Variants in ARHGAP15 observed in about 807,000 individuals in gnomAD.
ARHGAP15 encodes the protein rho GTPase-activating protein 15.
ARHGAP15 carries 51 observed loss-of-function variants against 63.7 expected under a neutral mutation model. The ratio of observed to expected loss-of-function variants is 0.80; its 90% CI spans 0.64 to 1.01. The LOEUF (loss-of-function observed/expected upper bound fraction) is 1.01. Ranked by LOEUF, ARHGAP15 falls within the 50% of genes least tolerant of loss-of-function variation. The pLI is 0.00. For missense variants in ARHGAP15, 560 were observed against 564.6 expected (o/e 0.99, Z 0.08); for synonymous variants, 191 against 193.8 (o/e 0.99, Z 0.12).
chr2:143,371,321 G>A (rs1170930498), intron 6 of ARHGAP15, among the ~76,000 whole-genome samples: 4 of 147,258 alleles, frequency 2.7e-5, no homozygotes, highest in African/African-American at 5.0e-5. Context: ...AGTATAATGA[G>A]AAGGACAAAT....
At chr2:143,226,592 G>A (rs1037425128) in intron 4 of ARHGAP15, among the ~76,000 whole-genome samples, 1 of 152,174 alleles carries the variant, frequency 6.6e-6, no homozygotes, top group East Asian at 1.9e-4. Context: ...AATTCACTCT[G>A]CTGCTGCTGG....
At chr2:143,643,265 A>AT (rs779940471) in intron 12 of ARHGAP15, among the ~76,000 whole-genome samples, 70 of 152,092 alleles carry the variant, frequency 4.6e-4, no homozygotes, top group Non-Finnish European at 8.8e-5. Flanking sequence ...TCGCCCAAAT[A>AT]TAACCTTGGG....
At chr2:143,682,804 T>C (rs1375930914) in intron 12 of ARHGAP15, 1 of 152,202 alleles carries the variant, frequency 6.6e-6, no homozygotes, top group Non-Finnish European at 1.5e-5. Flanking sequence ...TGGATCCTTA[T>C]GAGAAGAGAT....
chr2:143,231,069 C>CTTTTTTTTTTTTTTTT (rs914904536), intron 5 of ARHGAP15, among the ~76,000 whole-genome samples: 4 of 125,420 alleles, frequency 3.2e-5, no homozygotes, highest in South Asian at 2.6e-4. Flanking sequence ...GATGTAATTC[C>CTTTTTTTTTTTTTTTT]TTTTTTTTTT....
intron 10 of ARHGAP15, among the ~76,000 whole-genome samples, chr2:143,543,746 T>C (rs946364751): frequency 3.2e-4 from 48 of 152,068 alleles, no homozygotes; most frequent in Non-Finnish European, 5.3e-4. Context: ...CCCCAGAAGC[T>C]GAAAATCTGG....
At chr2:143,251,367 AT>A (rs1680152085) in intron 6 of ARHGAP15, among the ~76,000 whole-genome samples, 1 of 151,984 alleles carries the variant, frequency 6.6e-6, no homozygotes, top group African/African-American at 2.4e-5. Context: ...TATAATAATT[AT>A]TTTTTAAATT....
chr2:143,476,830 T>C, intron 8 of ARHGAP15, among the ~76,000 whole-genome samples: 1 of 152,244 alleles, frequency 6.6e-6, no homozygotes. Flanking sequence ...GCTGCTTCAT[T>C]GTGAAACCTT....
At chr2:143,379,895 C>G (rs1245079930) in intron 6 of ARHGAP15, among the ~76,000 whole-genome samples, 2 of 151,740 alleles carry the variant, frequency 1.3e-5, no homozygotes, top group Admixed American at 1.3e-4. Flanking sequence ...TTTATTGTGC[C>G]AGGAACTAGA....
At chr2:143,716,231 C>T (rs973520421) in intron 13 of ARHGAP15, among the ~76,000 whole-genome samples, 1 of 152,086 alleles carries the variant, frequency 6.6e-6, no homozygotes, top group African/African-American at 2.4e-5. Context: ...AGGGTGCAAG[C>T]ACTACAATGA....
rs541234858 is a variant in ARHGAP15, at chr2:143,197,097, A to G, written c.166-5037A>G. Among the ~76,000 whole-genome samples, 4 of 152,122 alleles carry G rather than the reference A, an allele frequency of 2.6e-5. No individual in the cohort carries two copies. In the South Asian group the frequency reaches 8.3e-4, roughly 32 times the overall value. On this transcript the variant is annotated intron_variant, in intron 2 of 13. Transcript: ENST00000295095. The stretch of plus-strand genomic sequence containing the variant: ...ATAAAATGTAGGGTTTTTATATCAG[A>G]TACATTTTAAAAGTTCTGAGATTGT...
intron 5 of ARHGAP15, among the ~76,000 whole-genome samples, chr2:143,243,535 A>T (rs1358410777): frequency 6.6e-6 from 1 of 152,134 alleles, no homozygotes; most frequent in Non-Finnish European, 1.5e-5. Flanking sequence ...TTTTTTAAAA[A>T]GTGTATTTTT....
intron 1 of ARHGAP15, among the ~76,000 whole-genome samples, chr2:143,139,404 T>C (rs531503152): frequency 6.4e-4 from 98 of 152,262 alleles, no homozygotes; most frequent in African/African-American, 2.2e-3. Context: ...TGGTCATCTA[T>C]TGAGTCTTGT....
chr2:143,591,222 A>G (rs979521497), intron 11 of ARHGAP15, among the ~76,000 whole-genome samples: 1 of 152,156 alleles, frequency 6.6e-6, no homozygotes, highest in African/African-American at 2.4e-5. Flanking sequence ...CTTTCCAACT[A>G]ACTTCTATCC....
chr2:143,200,244 A>T (rs2105109165), intron 2 of ARHGAP15, among the ~76,000 whole-genome samples: 1 of 152,114 alleles, frequency 6.6e-6, no homozygotes, highest in South Asian at 2.1e-4. Context: ...CTTCCATAGG[A>T]CACCTGTGAA....
At chr2:143,707,001 A>G (rs1217233250) in intron 13 of ARHGAP15, among the ~76,000 whole-genome samples, 1 of 152,186 alleles carries the variant, frequency 6.6e-6, no homozygotes, top group Non-Finnish European at 1.5e-5. Context: ...AGGAGGACCT[A>G]GCAAGATGGT....
At chr2:143,239,562 G>T in intron 5 of ARHGAP15, among the ~76,000 whole-genome samples, 1 of 151,996 alleles carries the variant, frequency 6.6e-6, no homozygotes, top group East Asian at 1.9e-4. Flanking sequence ...GGCATTTAAT[G>T]AACTATTAAC....
At chr2:143,196,559 T>A (rs1416659110) in intron 2 of ARHGAP15, among the ~76,000 whole-genome samples, 1 of 151,808 alleles carries the variant, frequency 6.6e-6, no homozygotes, top group Non-Finnish European at 1.5e-5. Flanking sequence ...AAACTCTTAA[T>A]AAACAGATCA....
chr2:143,131,333 G>A (rs964676499), intron 1 of ARHGAP15, among the ~76,000 whole-genome samples: 3 of 152,182 alleles, frequency 2.0e-5, no homozygotes, highest in South Asian at 2.1e-4. Flanking sequence ...TATGTTTTAA[G>A]TGGATGAGTC....
At chr2:143,223,612 G>T (rs1327190941) in intron 4 of ARHGAP15, among the ~76,000 whole-genome samples, 1 of 152,142 alleles carries the variant, frequency 6.6e-6, no homozygotes, top group Admixed American at 6.5e-5. Context: ...TAAAGGGCTC[G>T]CAGTTCAGCA....
Sources: gnomAD v4.1 joint callset for allele counts (sites outside exome capture counted in the v4.1 genomes callset) on GRCh38, gnomAD v4.1.1 for gene constraint, MANE v1.5 for transcripts, NCBI Gene and HGNC (gene_info 2026-07-23, HGNC 2026-07-21) for gene names.